The following HSD17B12 variants were observed in gnomAD, a reference collection of about 807,000 sequenced individuals.
The protein encoded by HSD17B12 is hydroxysteroid 17-beta dehydrogenase 12.
In HSD17B12, 32 loss-of-function variants were observed where a neutral mutation model predicts 39.3. The ratio of observed to expected loss-of-function variants is 0.81; its 90% CI spans 0.61 to 1.09. The LOEUF (loss-of-function observed/expected upper bound fraction) is 1.09. HSD17B12 is among the 50% of genes least tolerant of loss of function. The probability of loss-of-function intolerance (pLI) is 0.00; values close to 1 mark genes in which losing one functional copy is unlikely to be tolerated. For synonymous variants in HSD17B12, 150 were observed against 146.7 expected (o/e 1.02, Z -0.16); for missense variants, 342 against 382.9 (o/e 0.89, Z 0.89).
chr11:43,622,281 T>C, the HSD17B12 span, among the ~76,000 whole-genome samples: 1,470 of 152,246 alleles, frequency 9.7e-3, 22 homozygotes, highest in African/African-American at 0.034. Context: ...CTGATCCCTG[T>C]TGACTTCCTA....
the HSD17B12 span, among the ~76,000 whole-genome samples, chr11:43,658,210 C>T: frequency 2.0e-5 from 3 of 152,194 alleles, no homozygotes; most frequent in South Asian, 2.1e-4. Flanking sequence ...CTTGTGCGTT[C>T]GTCATGTAGT....
At chr11:43,577,078 A>T in the HSD17B12 span, among the ~76,000 whole-genome samples, 2 of 152,186 alleles carry the variant, frequency 1.3e-5, no homozygotes, top group Non-Finnish European at 2.9e-5. Flanking sequence ...TACTCCTTTG[A>T]CAAACCTCCC....
chr11:43,772,877 G>A lies in HSD17B12; in HGVS notation c.283+18756G>A, dbSNP rs551493543. Among the ~76,000 whole-genome samples, 6 of 152,298 alleles carry A rather than the reference G, an allele frequency of 3.9e-5. No homozygotes were observed. In the East Asian group the frequency reaches 5.8e-4, roughly 15 times the overall value. ...TGTAGTCTCAGCACCTTGGGAGGCC[G>A]AGGTAGGTAGATCGCTTGAGCCCAG... is the stretch of plus-strand genomic sequence containing the variant. On this transcript the variant is annotated intron_variant, in intron 3 of 10. Transcript: ENST00000278353.
Position 43,855,195 on chromosome 11 carries a change from A to C in HSD17B12, c.886A>C (p.Asn296His). ...PSWIYLKIVM[N>H]MNKSTRAHYL... ...TTGGATTTATTTGAAAATAGTCATG[A>C]ATATGAACAAGTCTACACGGGCTCA... The change falls in exon 11 of 11, where the codon AAT becomes CAT. Residue 296 changes from asparagine (N) to histidine (H), a missense_variant. By Grantham distance (68) the Asn-to-His change is moderately conservative. Transcript: ENST00000278353. 6.2e-7 allele frequency: 1 copy of C among 1,612,320 alleles called. No homozygotes were observed. Among genetic ancestry groups the C allele is most frequent in the Non-Finnish European group, 8.5e-7 (1 of 1,179,348 alleles).
intron 7 of HSD17B12, among the ~76,000 whole-genome samples, chr11:43,837,189 A>T (rs992127373): frequency 5.3e-5 from 8 of 152,316 alleles, no homozygotes; most frequent in African/African-American, 1.9e-4. Flanking sequence ...TTTCAGATTT[A>T]TGCCTAAAAT....
At chr11:43,628,783 TAATA>T in the HSD17B12 span, among the ~76,000 whole-genome samples, 1 of 151,606 alleles carries the variant, frequency 6.6e-6, no homozygotes, top group East Asian at 1.9e-4. Context: ...TTTATTAAAT[TAATA>T]ATTTAATAAA....
chr11:43,659,096 G>A, the HSD17B12 span, among the ~76,000 whole-genome samples: 13 of 152,176 alleles, frequency 8.5e-5, no homozygotes, highest in Non-Finnish European at 1.9e-4. Context: ...GCAATGGTGG[G>A]CGCCCCTTCC....
At chr11:43,851,080 A>G (rs1315756302) in intron 9 of HSD17B12, among the ~76,000 whole-genome samples, 2 of 152,164 alleles carry the variant, frequency 1.3e-5, no homozygotes, top group Non-Finnish European at 2.9e-5. Context: ...AGTTGTCTCC[A>G]GTGATTTTAT....
chr11:43,813,718 T>C (rs1237090185), intron 4 of HSD17B12, among the ~76,000 whole-genome samples: 1 of 152,226 alleles, frequency 6.6e-6, no homozygotes, highest in Non-Finnish European at 1.5e-5. Flanking sequence ...AATTGACTCT[T>C]GGGATGCCTG....
At chr11:43,798,265 C>A in intron 3 of HSD17B12, 55 bp from the exon 4 acceptor site, 1 of 990,152 alleles carries the variant, frequency 1.0e-6, no homozygotes, top group Non-Finnish European at 1.6e-6. Context: ...TTAATCTTCA[C>A]TGCCATGTAC....
the HSD17B12 span, among the ~76,000 whole-genome samples, chr11:43,630,170 T>G: frequency 2.4e-4 from 37 of 152,184 alleles, no homozygotes; most frequent in Middle Eastern, 3.4e-3. Flanking sequence ...GTAAGCATTT[T>G]GGAAAAGTGA....
chr11:43,683,442 A>T (rs1045210417), intron 1 of HSD17B12, among the ~76,000 whole-genome samples: 2 of 151,932 alleles, frequency 1.3e-5, no homozygotes, highest in African/African-American at 4.8e-5. Flanking sequence ...AAAAGAAAAT[A>T]CTCCCTTTAT....
At chr11:43,562,806 C>T in the HSD17B12 span, among the ~76,000 whole-genome samples, 1 of 152,202 alleles carries the variant, frequency 6.6e-6, no homozygotes, top group Non-Finnish European at 1.5e-5. Flanking sequence ...AGGCAACTTC[C>T]CTGGAGCTTT....
chr11:43,574,010 C>G, the HSD17B12 span, among the ~76,000 whole-genome samples: 1 of 152,242 alleles, frequency 6.6e-6, no homozygotes, highest in Non-Finnish European at 1.5e-5. Context: ...CACCTCCCAA[C>G]TGCAGCAACA....
In HSD17B12 at chr11:43,827,382, G is replaced by T. The variant is rs370096562; in HGVS notation, c.502-3594G>T. ...GATATGAGAATAATTTGCTTATATT[G>T]TATCATTTTTCATACTAAATTAATG... On this transcript the variant is annotated intron_variant, in intron 6 of 10. Coordinates refer to ENST00000278353, the MANE Select transcript of HSD17B12 (RefSeq NM_016142.3). Among the ~76,000 whole-genome samples the T allele has an allele frequency of 2.2e-4, 33 of 152,182 alleles. No individual in the cohort carries two copies. The South Asian group carries it at 6.4e-3, about 30-fold the overall frequency.
the HSD17B12 span, chr11:43,672,984 A>C: frequency 6.6e-6 from 1 of 152,190 alleles, no homozygotes; most frequent in Non-Finnish European, 1.5e-5. Flanking sequence ...TTTTCTTTTT[A>C]ACCCAGGATT....
intron 6 of HSD17B12, among the ~76,000 whole-genome samples, chr11:43,827,839 C>T (rs149643528): frequency 6.6e-6 from 1 of 152,140 alleles, no homozygotes; most frequent in African/African-American, 2.4e-5. Flanking sequence ...ATATTTTACT[C>T]TTGACATTGA....
At chr11:43,754,993 C>T in intron 3 of HSD17B12, 2 of 630,220 alleles carry the variant, frequency 3.2e-6, no homozygotes, top group Non-Finnish European at 5.7e-6. Context: ...TAACTGATGT[C>T]CCCAGTTTGC....
At chr11:43,728,010 G>A (rs1290518815) in intron 1 of HSD17B12, among the ~76,000 whole-genome samples, 1 of 151,754 alleles carries the variant, frequency 6.6e-6, no homozygotes, top group African/African-American at 2.4e-5. Context: ...TCTCAATTGT[G>A]GCAGTAACCA....
Sources: gnomAD v4.1 joint callset for allele counts (sites outside exome capture counted in the v4.1 genomes callset) on GRCh38, gnomAD v4.1.1 for gene constraint, MANE v1.5 for transcripts, NCBI Gene and HGNC (gene_info 2026-07-23, HGNC 2026-07-21) for gene names.